Variants in MEI4 observed in about 807,000 individuals in gnomAD.
MEI4 encodes meiosis-specific protein MEI4.
MEI4 carries 27 observed loss-of-function variants against 31.4 expected under a neutral mutation model. The ratio of observed to expected loss-of-function variants is 0.86; its 90% CI spans 0.63 to 1.19. The LOEUF is 1.19. MEI4 is among the 50% of genes most tolerant of loss of function. The pLI is 0.00. For missense variants in MEI4, 329 were observed against 398.9 expected, an observed-to-expected ratio of 0.82 and a Z score of 1.49; for synonymous variants, 122 against 145.4, an observed-to-expected ratio of 0.84 and a Z score of 1.16.
intron 3 of MEI4, among the ~76,000 whole-genome samples, chr6:77,825,425 A>G (rs1769921169): frequency 6.6e-6 from 1 of 152,182 alleles, no homozygotes; most frequent in African/African-American, 2.4e-5. Flanking sequence ...TTCTCAAAAG[A>G]ATCACATTAG....
intron 3 of MEI4, among the ~76,000 whole-genome samples, chr6:77,799,882 G>A (rs1409658786): frequency 4.6e-5 from 7 of 152,152 alleles, no homozygotes; most frequent in African/African-American, 1.7e-4. Flanking sequence ...GTACCATGCT[G>A]TTTTGGTTAC....
intron 4 of MEI4, among the ~76,000 whole-genome samples, chr6:77,857,685 G>T (rs767794635): frequency 6.6e-6 from 1 of 152,126 alleles, no homozygotes; most frequent in Non-Finnish European, 1.5e-5. Flanking sequence ...ATTTTGTTAG[G>T]CTGAGTTGCA....
At chr6:77,852,311 G>T (rs1770644910) in intron 4 of MEI4, among the ~76,000 whole-genome samples, 1 of 152,146 alleles carries the variant, frequency 6.6e-6, no homozygotes, top group Admixed American at 6.5e-5. Context: ...GTCATCAGAA[G>T]GGCTAAGATG....
At chr6:77,904,090 T>A (rs1766241923) in intron 4 of MEI4, among the ~76,000 whole-genome samples, 1 of 152,120 alleles carries the variant, frequency 6.6e-6, no homozygotes, top group Non-Finnish European at 1.5e-5. Context: ...ACTGTGGTTT[T>A]GTTGTTTTCT....
At chr6:77,855,061 G>A (rs1582218807) in intron 4 of MEI4, among the ~76,000 whole-genome samples, 1 of 152,066 alleles carries the variant, frequency 6.6e-6, no homozygotes, top group African/African-American at 2.4e-5. Flanking sequence ...ATTTAGGTCC[G>A]GGTGTGGTGG....
intron 3 of MEI4, among the ~76,000 whole-genome samples, chr6:77,802,216 C>A (rs146047514): frequency 5.3e-5 from 8 of 152,010 alleles, no homozygotes; most frequent in Admixed American, 2.0e-4. Context: ...TCCCTTTACC[C>A]TTATGTAATG....
intron 2 of MEI4, among the ~76,000 whole-genome samples, chr6:77,712,431 T>C (rs1766486920): frequency 6.6e-6 from 1 of 152,158 alleles, no homozygotes. Flanking sequence ...GACACATAAC[T>C]TTATGGCATG....
At chr6:77,664,995 T>TGGA (rs1768594810) in intron 1 of MEI4, among the ~76,000 whole-genome samples, 1 of 148,530 alleles carries the variant, frequency 6.7e-6, no homozygotes, top group East Asian at 2.0e-4. Context: ...GAAGGAGGAA[T>TGGA]GGAGGGTGGA....
At chr6:77,781,459 A>G (rs1229690969) in intron 3 of MEI4, among the ~76,000 whole-genome samples, 6 of 152,158 alleles carry the variant, frequency 3.9e-5, no homozygotes, top group Non-Finnish European at 1.5e-5. Context: ...CCATGTTGGT[A>G]TTACCTGGGA....
At position 77,820,637 on chromosome 6, in the gene MEI4, C is replaced by T. The variant is rs903029883; in HGVS notation, c.769-8294C>T. 1.1e-4 allele frequency among the ~76,000 whole-genome samples: 16 copies of T among 151,866 alleles called. No homozygotes were observed. Among genetic ancestry groups the T allele is most frequent in the Non-Finnish European group, 1.9e-4 (13 of 67,974 alleles). On this transcript the variant is annotated intron_variant, in intron 3 of 4. Coordinates refer to ENST00000684080, the MANE Select transcript of MEI4 (RefSeq NM_001322247.2). This position sits in a 1 kb window ranked among gnomAD's most constrained non-coding sequence, Gnocchi z 4.5. ...ATGACTCATATTCATACATTGAAAA[C>T]GTCTTATTTTCTCTTTGTTCTTGAA...
intron 2 of MEI4, among the ~76,000 whole-genome samples, chr6:77,746,566 C>T (rs902805756): frequency 1.3e-5 from 2 of 152,018 alleles, no homozygotes; most frequent in Admixed American, 6.5e-5. Flanking sequence ...TTGCTGACTG[C>T]AGATCTTGGT....
intron 4 of MEI4, among the ~76,000 whole-genome samples, chr6:77,896,230 A>C (rs1170415622): frequency 6.6e-6 from 1 of 152,134 alleles, no homozygotes; most frequent in Non-Finnish European, 1.5e-5. Flanking sequence ...TCAAGAATTT[A>C]TATTAATGTG....
intron 1 of MEI4, among the ~76,000 whole-genome samples, chr6:77,677,661 C>T (rs1768869588): frequency 6.6e-6 from 1 of 152,134 alleles, no homozygotes; most frequent in Admixed American, 6.5e-5. Context: ...TCCACATGTC[C>T]TCACCTCAGC....
At chr6:77,917,223 A>G (rs1208019482) in intron 4 of MEI4, among the ~76,000 whole-genome samples, 1 of 151,958 alleles carries the variant, frequency 6.6e-6, no homozygotes, top group African/African-American at 2.4e-5. Flanking sequence ...TAATGCCGCA[A>G]TATACATACG....
At chr6:77,822,909 C>T (rs960548523) in intron 3 of MEI4, among the ~76,000 whole-genome samples, 2 of 151,606 alleles carry the variant, frequency 1.3e-5, no homozygotes, top group Non-Finnish European at 2.9e-5. Context: ...GGTGTGAGCC[C>T]TAACATAAGC....
At chr6:77,854,163 A>C (rs1770695443) in intron 4 of MEI4, among the ~76,000 whole-genome samples, 2 of 152,224 alleles carry the variant, frequency 1.3e-5, no homozygotes, top group Admixed American at 1.3e-4. Flanking sequence ...TAAGGTTTTT[A>C]GTTGAGAAAT....
At chr6:77,716,954 G>T (rs1766594143) in intron 2 of MEI4, 1 of 571,506 alleles carries the variant, frequency 1.7e-6, no homozygotes, top group Non-Finnish European at 2.2e-6. Context: ...TTGTAGGGGT[G>T]GGTTGCCCCT....
intron 2 of MEI4, among the ~76,000 whole-genome samples, chr6:77,746,852 T>C (rs1034908115): frequency 6.6e-6 from 1 of 152,080 alleles, no homozygotes; most frequent in African/African-American, 2.4e-5. Flanking sequence ...TTAGCTGAAA[T>C]GGACAACACG....
intron 4 of MEI4, among the ~76,000 whole-genome samples, chr6:77,850,510 A>G (rs1398393340): frequency 6.6e-6 from 1 of 152,200 alleles, no homozygotes; most frequent in Non-Finnish European, 1.5e-5. Flanking sequence ...ATCTCCGACA[A>G]ACCTGACAAA....
Sources: allele counts gnomAD v4.1 joint callset (sites outside exome capture counted in the v4.1 genomes callset), GRCh38; gene constraint gnomAD v4.1.1; non-coding constraint Gnocchi (gnomAD v3.1); transcripts MANE v1.5; gene names NCBI Gene and HGNC (gene_info 2026-07-23, HGNC 2026-07-21).